Variants in FOXP1 observed in about 807,000 individuals in gnomAD.
The protein encoded by FOXP1 is forkhead box protein P1.
FOXP1 carries 15 observed loss-of-function variants against 98.2 expected under a neutral mutation model. The ratio of observed to expected loss-of-function variants is 0.15; its 90% CI spans 0.10 to 0.24. The LOEUF (loss-of-function observed/expected upper bound fraction) is 0.24, where lower values mean the gene tolerates loss of function less well. Ranked by LOEUF, FOXP1 falls within the 10% of genes least tolerant of loss-of-function variation. The probability of loss-of-function intolerance (pLI) is 1.00; values close to 1 mark genes in which losing one functional copy is unlikely to be tolerated. For synonymous variants in FOXP1, 371 were observed against 314.5 expected (o/e 1.18, Z -1.90); for missense variants, 633 against 848.5 (o/e 0.75, Z 3.15).
intron 5 of FOXP1, among the ~76,000 whole-genome samples, chr3:71,208,515 T>C (rs1213476869): frequency 2.0e-5 from 3 of 147,644 alleles, no homozygotes; most frequent in African/African-American, 7.6e-5. Context: ...TCTTTCTTTA[T>C]CAAAATTCTA....
At chr3:70,959,690 T>C (rs1394486776) in intron 20 of FOXP1, among the ~76,000 whole-genome samples, 2 of 152,212 alleles carry the variant, frequency 1.3e-5, no homozygotes, top group East Asian at 3.9e-4. Flanking sequence ...AAAGTTCTCT[T>C]GGGTAGTGAT....
chr3:71,396,300 A>T (rs1458950584), intron 3 of FOXP1, among the ~76,000 whole-genome samples: 1 of 152,186 alleles, frequency 6.6e-6, no homozygotes, highest in African/African-American at 2.4e-5. Context: ...GTGCCCGATG[A>T]TTGCAACCAT....
In FOXP1 at chr3:71,047,113, G is replaced by A. The variant is rs1212827879; in HGVS notation, c.511-18C>T. 6 of 1,613,746 alleles carry A rather than the reference G, an allele frequency of 3.7e-6. 1 individual carries two copies. The African/African-American group carries it at 6.7e-5, about 18-fold the overall frequency. On this transcript the variant is annotated intron_variant, in intron 9 of 20. Transcript: ENST00000649528. ...TGCTGTTGCTGTAAGAAATCAGGAA[G>A]AAAAAATGAGATGGCCACTTCCCAA... is the stretch of plus-strand genomic sequence containing the variant.
At chr3:71,561,468 G>A (rs993637357) in intron 2 of FOXP1, among the ~76,000 whole-genome samples, 1 of 147,186 alleles carries the variant, frequency 6.8e-6, no homozygotes, top group African/African-American at 2.5e-5. Flanking sequence ...TAGTCACCAC[G>A]ACCCGTTGTG....
intron 3 of FOXP1, among the ~76,000 whole-genome samples, chr3:71,424,550 G>A (rs556222837): frequency 1.2e-3 from 188 of 151,974 alleles, no homozygotes; most frequent in Middle Eastern, 6.8e-3. Flanking sequence ...AGAACACTGG[G>A]GACCACCATG....
intron 3 of FOXP1, among the ~76,000 whole-genome samples, chr3:71,433,225 A>G (rs907684538): frequency 1.3e-5 from 2 of 152,232 alleles, no homozygotes; most frequent in Non-Finnish European, 2.9e-5. Flanking sequence ...CTATTGACAT[A>G]CAAGGACCCT....
In FOXP1 at chr3:70,957,990, T is replaced by G. The variant is rs879123245; in HGVS notation, c.*1257A>C. 19 of 203,754 alleles carry G rather than the reference T, an allele frequency of 9.3e-5. No individual in the cohort carries two copies. The highest frequency in any genetic ancestry group is 7.6e-4 in the East Asian group (10 of 13,144). The allele number at this position is 203,754 out of a possible 1,614,324, so 12.6% of individuals were successfully genotyped here. A position where few individuals can be genotyped will look rare whatever the true frequency, so the allele number is the denominator to read the frequency against. On this transcript the variant is annotated 3_prime_UTR_variant, in exon 21 of 21. Coordinates refer to ENST00000649528, the MANE Select transcript of FOXP1 (RefSeq NM_001349338.3). ...CAGGGCAGCTGCTCGGGGAAGCCGG[T>G]TTTTTTTTTTGGCCATTTTGCAAAC...
chr3:71,583,674 GCA>G lies in FOXP1; in HGVS notation c.-552_-551del. 2 of 984,320 alleles carry G rather than the reference GCA, an allele frequency of 2.0e-6. No homozygotes were observed. Among genetic ancestry groups the G allele is most frequent in the Non-Finnish European group, 2.4e-6 (2 of 829,740 alleles). 61.0% of individuals were successfully genotyped at this position (984,320 alleles called of 1,614,324 possible). A position where few individuals can be genotyped will look rare whatever the true frequency, so the allele number is the denominator to read the frequency against. On this transcript the variant is annotated 5_prime_UTR_variant, in exon 1 of 21. Transcript: ENST00000649528. ...GCACCCCGCGCACACACTCACTCGCGCACACACGCGCGCACACACGCACTCCC... is the reference window on the plus strand; with the variant it reads ...GCACCCCGCGCACACACTCACTCGCGCACACGCGCGCACACACGCACTCCC...
chr3:71,154,936 G>A (rs907031077), intron 6 of FOXP1, among the ~76,000 whole-genome samples: 2 of 152,046 alleles, frequency 1.3e-5, no homozygotes, highest in Non-Finnish European at 2.9e-5. Flanking sequence ...TGTCAATCTG[G>A]GGAAAATACA....
At chr3:71,432,863 A>AC (rs1560478072) in intron 3 of FOXP1, among the ~76,000 whole-genome samples, 1 of 151,348 alleles carries the variant, frequency 6.6e-6, no homozygotes, top group African/African-American at 2.4e-5. Context: ...AAAAAAAAAA[A>AC]AAATTAAAAA....
chr3:71,098,467 C>A (rs1395388084), intron 7 of FOXP1, among the ~76,000 whole-genome samples: 1 of 152,148 alleles, frequency 6.6e-6, no homozygotes, highest in Admixed American at 6.5e-5. Context: ...ATTTCATCAA[C>A]CCAATGAAAG....
At chr3:71,435,739 G>A (rs201008547) in intron 3 of FOXP1, among the ~76,000 whole-genome samples, 8 of 10,930 alleles carry the variant, frequency 7.3e-4, no homozygotes, top group Admixed American at 1.5e-3. Flanking sequence ...GAGGGAGGGA[G>A]GAAGGGACGG....
intron 5 of FOXP1, among the ~76,000 whole-genome samples, chr3:71,238,891 T>C (rs2067021256): frequency 6.6e-6 from 1 of 152,180 alleles, no homozygotes. Context: ...GCTTTACACT[T>C]TAGAGAGCAT....
chr3:71,317,986 C>T (rs557659246), intron 4 of FOXP1, among the ~76,000 whole-genome samples: 3 of 151,626 alleles, frequency 2.0e-5, no homozygotes, highest in African/African-American at 7.2e-5. Context: ...ACAGATACGG[C>T]GTGGCTTTAG....
rs199591668 is a variant in FOXP1, at chr3:71,486,003, T to C, written c.-168+7423A>G. On this transcript the variant is annotated intron_variant, in intron 3 of 20. Coordinates refer to ENST00000649528, the MANE Select transcript of FOXP1 (RefSeq NM_001349338.3). ...CTCTTTCACAAAGACAAGTATAAAC[T>C]ACAAAATCTTCTCTGCCTAAATCAA... is the stretch of plus-strand genomic sequence containing the variant. Among the ~76,000 whole-genome samples the C allele has an allele frequency of 6.6e-5, 10 of 152,122 alleles. No individual in the cohort carries two copies. In the East Asian group the frequency reaches 1.9e-3, roughly 29 times the overall value.
intron 7 of FOXP1, among the ~76,000 whole-genome samples, chr3:71,063,135 G>GT (rs1559849143): frequency 1.3e-5 from 2 of 152,310 alleles, no homozygotes; most frequent in East Asian, 3.9e-4. Context: ...ACATCCTACA[G>GT]TAAGTCAGCC....
At chr3:71,534,195 C>A (rs1416033040) in intron 2 of FOXP1, among the ~76,000 whole-genome samples, 1 of 152,188 alleles carries the variant, frequency 6.6e-6, no homozygotes, top group Admixed American at 6.5e-5. Context: ...GAAACCCTGT[C>A]TCTACTAAAA....
chr3:71,238,920 A>G (rs1323677034), intron 5 of FOXP1, among the ~76,000 whole-genome samples: 2 of 152,172 alleles, frequency 1.3e-5, no homozygotes, highest in African/African-American at 4.8e-5. Flanking sequence ...GTATTTTCTC[A>G]TTTGATTTCT....
At chr3:71,398,728 C>CT (rs2081735571) in intron 3 of FOXP1, among the ~76,000 whole-genome samples, 1 of 152,192 alleles carries the variant, frequency 6.6e-6, no homozygotes, top group African/African-American at 2.4e-5. Context: ...AAAACTCCTC[C>CT]TTTATCTAAC....
Sources: gnomAD v4.1 joint callset for allele counts (sites outside exome capture counted in the v4.1 genomes callset) on GRCh38, gnomAD v4.1.1 for gene constraint, MANE v1.5 for transcripts, NCBI Gene and HGNC (gene_info 2026-07-23, HGNC 2026-07-21) for gene names.